Variants in ARNT2 observed in about 807,000 individuals in gnomAD.
The protein encoded by ARNT2 is ARNT protein 2.
ARNT2 carries 36 observed loss-of-function variants against 91.7 expected under a neutral mutation model. The ratio of observed to expected loss-of-function variants is 0.39; its 90% CI spans 0.30 to 0.52. ARNT2 has a LOEUF of 0.52. ARNT2 is among the 20% of genes least tolerant of loss of function. The pLI, the probability that ARNT2 is intolerant of heterozygous loss-of-function variation, is 0.72. For synonymous variants in ARNT2, 365 were observed against 347.1 expected, an observed-to-expected ratio of 1.05 and a Z score of -0.57; for missense variants, 775 against 939.3, an observed-to-expected ratio of 0.83 and a Z score of 2.29.
chr15:80,506,183 G>A (rs1484500602), intron 5 of ARNT2, among the ~76,000 whole-genome samples: 1 of 151,998 alleles, frequency 6.6e-6, no homozygotes. Context: ...TGATCCACCC[G>A]CCTCGGCCTC....
chr15:80,522,182 T>A (rs932249458), intron 8 of ARNT2, among the ~76,000 whole-genome samples: 1 of 152,198 alleles, frequency 6.6e-6, no homozygotes, highest in Admixed American at 6.5e-5. Flanking sequence ...ATGGGTCAGA[T>A]GTAATTATAA....
intron 3 of ARNT2, among the ~76,000 whole-genome samples, chr15:80,461,626 G>T (rs1380141469): frequency 6.6e-6 from 1 of 152,072 alleles, no homozygotes; most frequent in Non-Finnish European, 1.5e-5. Context: ...AGATGGGTGG[G>T]TGTGCATCAC....
intron 3 of ARNT2, among the ~76,000 whole-genome samples, chr15:80,463,267 G>C (rs1257441604): frequency 6.6e-6 from 1 of 152,148 alleles, no homozygotes; most frequent in Non-Finnish European, 1.5e-5. Context: ...CACTGGATGG[G>C]TACGTGAGGT....
intron 17 of ARNT2, among the ~76,000 whole-genome samples, chr15:80,589,677 C>T (rs1377324078): frequency 1.3e-5 from 2 of 152,210 alleles, no homozygotes; most frequent in Non-Finnish European, 2.9e-5. Context: ...GGAATTTCCT[C>T]GTAGCTCCAG....
intron 5 of ARNT2, among the ~76,000 whole-genome samples, chr15:80,480,641 G>T (rs904415826): frequency 2.0e-5 from 3 of 152,194 alleles, no homozygotes; most frequent in African/African-American, 7.2e-5. Flanking sequence ...TGCATTCAGA[G>T]AATTGGGTCA....
At chr15:80,444,794 GTA>G (rs1896266586) in intron 1 of ARNT2, 2 of 150,232 alleles carry the variant, frequency 1.3e-5, no homozygotes, top group African/African-American at 4.9e-5. Flanking sequence ...TGAATGGTGT[GTA>G]TGTGTGTTGT....
At chr15:80,458,051 A>G in intron 3 of ARNT2, 75 bp downstream of exon 3, 8 of 1,504,374 alleles carry the variant, frequency 5.3e-6, no homozygotes, top group Non-Finnish European at 7.4e-6. Context: ...ACAAGAATGT[A>G]ACGTCTTTTG....
chr15:80,488,051 C>T (rs1010055650), intron 5 of ARNT2, among the ~76,000 whole-genome samples: 4 of 152,094 alleles, frequency 2.6e-5, no homozygotes, highest in Non-Finnish European at 5.9e-5. Context: ...GAGAACAAGC[C>T]GCTTCCCTCT....
chr15:80,510,566 C>T (rs1254822499), intron 6 of ARNT2, among the ~76,000 whole-genome samples: 1 of 152,070 alleles, frequency 6.6e-6, no homozygotes, highest in Non-Finnish European at 1.5e-5. Context: ...TGAGGTGGCT[C>T]ATGCCTGTAA....
chr15:80,481,853 C>A (rs945556875), intron 5 of ARNT2, among the ~76,000 whole-genome samples: 3 of 152,226 alleles, frequency 2.0e-5, no homozygotes, highest in Non-Finnish European at 4.4e-5. Flanking sequence ...TCAGCCTCAT[C>A]CTCCCATGTA....
At chr15:80,475,258 C>G in intron 5 of ARNT2, 35 bp downstream of exon 5, 2 of 1,607,814 alleles carry the variant, frequency 1.2e-6, no homozygotes, top group Non-Finnish European at 8.5e-7. Context: ...CTGTTTGACT[C>G]TAGAAAACAT....
At chr15:80,589,973 T>G (rs996294479) in intron 17 of ARNT2, among the ~76,000 whole-genome samples, 2 of 152,200 alleles carry the variant, frequency 1.3e-5, no homozygotes, top group African/African-American at 4.8e-5. Context: ...ATGTAGAGTT[T>G]GAAAAGCACC....
rs562131960 is a variant in ARNT2, at chr15:80,571,078, T to C, written c.1317-3070T>C. On this transcript the variant is annotated intron_variant, in intron 12 of 18. Transcript: ENST00000303329. ...AAAGAGTTTAGAAACAGAATCCAAC[T>C]TATTTTGTGTTTCTCCAGGGGCAGA... 5.9e-5 allele frequency among the ~76,000 whole-genome samples: 9 copies of C among 152,264 alleles called. No individual in the cohort carries two copies. In the South Asian group the frequency reaches 1.9e-3, roughly 32 times the overall value.
chr15:80,443,046 C>T (rs1896218901), intron 1 of ARNT2: 1 of 984,160 alleles, frequency 1.0e-6, no homozygotes, highest in Non-Finnish European at 1.2e-6. Context: ...AATGAATCAC[C>T]AGGGACCAGA....
Position 80,452,831 on chromosome 15 carries a change from C to A in ARNT2, c.146+1837C>A, listed in dbSNP as rs560436375. ...GGGCCTGGGCTGCGGTGAGCCGAGG[C>A]TGCTTCCCTCCTCGGCCTCCATGTT... is the stretch of plus-strand genomic sequence containing the variant. On this transcript the variant is annotated intron_variant, in intron 2 of 18. Coordinates refer to ENST00000303329, the MANE Select transcript of ARNT2 (RefSeq NM_014862.4). 7.2e-5 allele frequency among the ~76,000 whole-genome samples: 11 copies of A among 152,358 alleles called. No homozygotes were observed. The South Asian group carries it at 2.3e-3, about 32-fold the overall frequency.
In ARNT2 at chr15:80,470,249, C is replaced by T; in HGVS notation, c.226C>T (p.Arg76Trp). Residue 76 changes from arginine to tryptophan, a missense_variant, in exon 4 of 19, where the codon CGG becomes TGG. Physicochemically the swap from Arg to Trp is moderately radical, Grantham distance 101. This residue lies in a region of ARNT2 where 83 missense variants were observed against 149.4 expected (regional missense o/e 0.56). Transcript: ENST00000303329. ...TCATAGTGAAATCGAAAGGCGCAGA[C>T]GGAACAAGATGACTCAGTACATCAC... ...ENHSEIERRRRNKMTQYITEL... is the reference protein window; with the variant it reads ...ENHSEIERRRWNKMTQYITEL... The T allele has an allele frequency of 6.2e-7, 1 of 1,614,128 alleles. No individual in the cohort carries two copies.
chr15:80,476,953 A>G (rs765580526), intron 5 of ARNT2, among the ~76,000 whole-genome samples: 8 of 152,160 alleles, frequency 5.3e-5, no homozygotes, highest in Non-Finnish European at 8.8e-5. Context: ...GTTCGCCTGA[A>G]TGGTTTAGTA....
At chr15:80,506,049 G>T (rs1430210072) in intron 5 of ARNT2, among the ~76,000 whole-genome samples, 1 of 148,890 alleles carries the variant, frequency 6.7e-6, no homozygotes, top group Non-Finnish European at 1.5e-5. Flanking sequence ...CCATTCTCCT[G>T]CCTCAGCCTC....
intron 5 of ARNT2, among the ~76,000 whole-genome samples, chr15:80,507,050 G>A (rs139224011): frequency 6.6e-6 from 1 of 152,222 alleles, no homozygotes; most frequent in Non-Finnish European, 1.5e-5. Flanking sequence ...CCAAAAGGGG[G>A]CAGTGAGTGT....
Sources: allele counts gnomAD v4.1 joint callset (sites outside exome capture counted in the v4.1 genomes callset), GRCh38; gene constraint gnomAD v4.1.1; regional missense constraint gnomAD v4.1.1; transcripts MANE v1.5; gene names NCBI Gene and HGNC (gene_info 2026-07-23, HGNC 2026-07-21).